SMC6: variants seen among roughly 807,000 people sequenced by gnomAD.
The protein encoded by SMC6 is structural maintenance of chromosomes 6, also known as structural maintenance of chromosomes protein 6.
Under a neutral mutation model 142.2 loss-of-function variants are expected in SMC6, and 79 were observed. The ratio of observed to expected loss-of-function variants is 0.56; its 90% confidence interval spans 0.46 to 0.67. The LOEUF is 0.67. SMC6 is among the 30% of genes least tolerant of loss of function. SMC6 has a pLI of 0.00. For synonymous variants in SMC6, 411 were observed against 412.4 expected (o/e 1.00, Z 0.04); for missense variants, 1,072 against 1,284.0 (o/e 0.83, Z 2.52).
At chr2:17,741,580 CA>C in intron 4 of SMC6, 31 bp downstream of exon 4, 1 of 1,428,350 alleles carries the variant, frequency 7.0e-7, no homozygotes, top group Non-Finnish European at 9.8e-7. Flanking sequence ...AAGTACTGCT[CA>C]AAGTCAAACG....
At chr2:17,751,290 G>T (rs932118150) in intron 2 of SMC6, among the ~76,000 whole-genome samples, 2 of 151,872 alleles carry the variant, frequency 1.3e-5, no homozygotes, top group South Asian at 2.1e-4. Context: ...AGACCAGCCA[G>T]CCCAACGTGG....
chr2:17,751,916 C>G (rs1157410807), intron 2 of SMC6, among the ~76,000 whole-genome samples: 1 of 152,152 alleles, frequency 6.6e-6, no homozygotes, highest in Non-Finnish European at 1.5e-5. Flanking sequence ...GTAGGTTTTA[C>G]ATAAAATTCT....
At chr2:17,751,005 CAAAAAA>C (rs34661130) in intron 2 of SMC6, among the ~76,000 whole-genome samples, 2 of 53,788 alleles carry the variant, frequency 3.7e-5, no homozygotes, top group Non-Finnish European at 6.2e-5. Flanking sequence ...ACAGCTGTCT[CAAAAAA>C]AAAAAAAAAA....
At chr2:17,687,390 T>C (rs1273627221) in intron 23 of SMC6, among the ~76,000 whole-genome samples, 3 of 152,170 alleles carry the variant, frequency 2.0e-5, no homozygotes, top group African/African-American at 4.8e-5. Context: ...GATCAATGTG[T>C]GTGTGCAGAC....
intron 18 of SMC6, 101 bp from the exon 19 acceptor site, chr2:17,703,393 T>C (rs1259610606): frequency 9.3e-7 from 1 of 1,079,034 alleles, no homozygotes; most frequent in Non-Finnish European, 1.3e-6. Flanking sequence ...TAGTAAGTTA[T>C]GTGCAAAATC....
intron 2 of SMC6, among the ~76,000 whole-genome samples, chr2:17,749,184 C>G (rs977906661): frequency 2.0e-5 from 3 of 151,502 alleles, no homozygotes; most frequent in African/African-American, 7.3e-5. Context: ...TTTACAGATG[C>G]AAAGAAAAAT....
intron 2 of SMC6, among the ~76,000 whole-genome samples, chr2:17,750,954 G>A (rs900651254): frequency 2.6e-4 from 30 of 115,648 alleles, no homozygotes; most frequent in African/African-American, 8.3e-4. Context: ...GCAGTGAGCC[G>A]AAATCATGTC....
chr2:17,696,826 C>T (rs1668026219), intron 21 of SMC6, among the ~76,000 whole-genome samples: 1 of 152,070 alleles, frequency 6.6e-6, no homozygotes, highest in East Asian at 1.9e-4. Context: ...TTTATTTAGT[C>T]ACATCTGGTA....
At chr2:17,728,930 T>C (rs1669764672) in intron 7 of SMC6, among the ~76,000 whole-genome samples, 1 of 152,004 alleles carries the variant, frequency 6.6e-6, no homozygotes, top group Non-Finnish European at 1.5e-5. Flanking sequence ...TGTGTTTTTT[T>C]GTAGAGACAG....
At chr2:17,709,076 C>T (rs1668690629) in intron 16 of SMC6, among the ~76,000 whole-genome samples, 1 of 151,980 alleles carries the variant, frequency 6.6e-6, no homozygotes, top group African/African-American at 2.4e-5. Context: ...GATAAGGATG[C>T]TTCAGAGAGT....
At chr2:17,679,105 T>C in intron 24 of SMC6, 141 bp from the exon 25 acceptor site, 1 of 555,962 alleles carries the variant, frequency 1.8e-6, no homozygotes, top group African/African-American at 1.9e-5. Flanking sequence ...ATAGTTGAGT[T>C]TTAGGTAGTA....
intron 26 of SMC6, among the ~76,000 whole-genome samples, chr2:17,668,825 TATC>T (rs1165421277): frequency 6.6e-6 from 1 of 152,154 alleles, no homozygotes; most frequent in Non-Finnish European, 1.5e-5. Flanking sequence ...GCAGGTACGA[TATC>T]ATGAAGGGTC....
chr2:17,718,012 TAGA>T lies in SMC6; in HGVS notation c.1092+62_1092+64del, dbSNP rs1669183967. On this transcript the variant is annotated intron_variant, in intron 12 of 27. Coordinates refer to ENST00000448223, the MANE Select transcript of SMC6 (RefSeq NM_001142286.2). ...AAAAATAAAATATAATAAAAAAGGATAGAAGAACAGCCTTTATATTTGCTGTGT... is the reference window on the plus strand; with the variant it reads ...AAAAATAAAATATAATAAAAAAGGATAGAACAGCCTTTATATTTGCTGTGT... 26 of 1,453,778 alleles carry T rather than the reference TAGA, an allele frequency of 1.8e-5. No individual in the cohort carries two copies. In the East Asian group the frequency reaches 5.9e-4, roughly 33 times the overall value. The allele number at this position is 1,453,778 out of a possible 1,614,324, so 90.1% of individuals were successfully genotyped here.
At chr2:17,688,558 C>T (rs1317885110) in intron 23 of SMC6, among the ~76,000 whole-genome samples, 6 of 152,070 alleles carry the variant, frequency 3.9e-5, no homozygotes, top group African/African-American at 9.7e-5. Flanking sequence ...GAGCGAGACC[C>T]TGTCTCAGAA....
chr2:17,695,381 A>G (rs1367251722), intron 22 of SMC6, 84 bp from the exon 23 acceptor site: 1 of 1,150,680 alleles, frequency 8.7e-7, no homozygotes, highest in Non-Finnish European at 1.2e-6. Flanking sequence ...TCTGCAAAGT[A>G]AAATTCTGAA....
At chr2:17,734,920 C>T (rs961188736) in intron 5 of SMC6, among the ~76,000 whole-genome samples, 10 of 151,962 alleles carry the variant, frequency 6.6e-5, no homozygotes, top group African/African-American at 2.2e-4. Context: ...TTAGTAGAGA[C>T]GGGGTTTCGC....
intron 16 of SMC6, among the ~76,000 whole-genome samples, chr2:17,710,840 A>T (rs1668791162): frequency 6.6e-6 from 1 of 152,216 alleles, no homozygotes; most frequent in Non-Finnish European, 1.5e-5. Context: ...AAGAAATTAG[A>T]GAAACAGACA....
chr2:17,746,843 G>A (rs1252891879), intron 2 of SMC6, among the ~76,000 whole-genome samples: 2 of 152,124 alleles, frequency 1.3e-5, no homozygotes, highest in Admixed American at 6.5e-5. Flanking sequence ...GCTAAAAGGA[G>A]ACAAAAATCT....
At chr2:17,722,089 T>C (rs1669398823) in intron 9 of SMC6, among the ~76,000 whole-genome samples, 2 of 152,044 alleles carry the variant, frequency 1.3e-5, no homozygotes, top group Admixed American at 6.5e-5. Flanking sequence ...CCCTATCTAA[T>C]GCACTTTCCC....
Sources: allele counts gnomAD v4.1 joint callset (sites outside exome capture counted in the v4.1 genomes callset), GRCh38; gene constraint gnomAD v4.1.1; transcripts MANE v1.5; gene names NCBI Gene and HGNC (gene_info 2026-07-23, HGNC 2026-07-21).